Variants in CSMD2 observed in about 807,000 individuals in gnomAD.
The protein encoded by CSMD2 is CUB and sushi domain-containing protein 2.
Under a neutral mutation model 398.5 loss-of-function variants are expected in CSMD2, and 130 were observed. The observed-to-expected ratio is 0.33, with a 90% CI of 0.28 to 0.38. The LOEUF (loss-of-function observed/expected upper bound fraction) is 0.38, where lower values mean the gene tolerates loss of function less well. Ranked by LOEUF, CSMD2 falls within the 10% of genes least tolerant of loss-of-function variation. The pLI, the probability that CSMD2 is intolerant of heterozygous loss-of-function variation, is 1.00. For missense variants in CSMD2, 3,829 were observed against 4,764.9 expected, an observed-to-expected ratio of 0.80 and a Z score of 5.78; for synonymous variants, 1,828 against 1,908.5, an observed-to-expected ratio of 0.96 and a Z score of 1.10.
At position 33,768,109 on chromosome 1, in the gene CSMD2, C is replaced by A. The variant is rs72879525; in HGVS notation, c.1846+4460G>T. ...CTCATATATTCCCAATAATGTAGAA[C>A]ATTTAATAAAATTGGCATTCTCCTC... On this transcript the variant is annotated intron_variant, in intron 13 of 70. Transcript: ENST00000373381. 2.9e-3 allele frequency among the ~76,000 whole-genome samples: 444 copies of A among 152,292 alleles called. 1 individual carries two copies. Among genetic ancestry groups the A allele is most frequent in the African/African-American group, 9.9e-3 (413 of 41,570 alleles).
chr1:33,973,562 G>A (rs776209631), intron 3 of CSMD2, among the ~76,000 whole-genome samples: 1 of 152,228 alleles, frequency 6.6e-6, no homozygotes, highest in Non-Finnish European at 1.5e-5. Context: ...TGTGATAACT[G>A]CATTGAGAAG....
At chr1:33,714,491 C>A in intron 21 of CSMD2, 96 bp downstream of exon 21, 3 of 1,411,130 alleles carry the variant, frequency 2.1e-6, no homozygotes, top group Non-Finnish European at 2.9e-6. Flanking sequence ...GCTAAGTCAG[C>A]CTCTTGGCCT....
intron 26 of CSMD2, among the ~76,000 whole-genome samples, 188 bp from the exon 27 acceptor site, chr1:33,658,325 A>G (rs892125773): frequency 6.7e-6 from 1 of 150,244 alleles, no homozygotes; most frequent in Non-Finnish European, 1.5e-5. Flanking sequence ...CACTGCCTCC[A>G]CCACCAATTG....
At chr1:33,698,619 G>T (rs1645500753) in intron 24 of CSMD2, 134 bp downstream of exon 24, 1 of 739,436 alleles carries the variant, frequency 1.4e-6, no homozygotes, top group South Asian at 2.3e-5. Context: ...CATGATGCCT[G>T]TTAACAAGAG....
intron 68 of CSMD2, among the ~76,000 whole-genome samples, chr1:33,520,441 T>A (rs573410385): frequency 6.6e-6 from 1 of 152,066 alleles, no homozygotes; most frequent in Non-Finnish European, 1.5e-5. Context: ...AGAACACAAG[T>A]AGAAACTGTG....
chr1:33,747,109 T>C (rs1318823483), intron 13 of CSMD2, among the ~76,000 whole-genome samples: 3 of 152,208 alleles, frequency 2.0e-5, no homozygotes, highest in Non-Finnish European at 4.4e-5. Flanking sequence ...CACTCAAAGA[T>C]GTCTCCTATC....
At chr1:33,928,606 A>T (rs1478307776) in intron 4 of CSMD2, among the ~76,000 whole-genome samples, 1 of 152,240 alleles carries the variant, frequency 6.6e-6, no homozygotes, top group Non-Finnish European at 1.5e-5. Context: ...TGTAAGTGGC[A>T]AGGCCAGGAT....
intron 2 of CSMD2, among the ~76,000 whole-genome samples, chr1:34,084,965 G>C (rs1018927896): frequency 6.6e-6 from 1 of 152,126 alleles, no homozygotes; most frequent in Non-Finnish European, 1.5e-5. Flanking sequence ...TAATAGCAAA[G>C]ACTTGGAACC....
At position 33,778,568 on chromosome 1, in the gene CSMD2, T is replaced by C. The variant is rs566803050; in HGVS notation, c.1664-5817A>G. On this transcript the variant is annotated intron_variant, in intron 12 of 70. Transcript: ENST00000373381. The stretch of plus-strand genomic sequence containing the variant: ...CCATTATGTATTTTTGATCACTGTG[T>C]ACCCGGCACTTAGCACAGTCCCTGG... Among the ~76,000 whole-genome samples, 5 of 152,134 alleles carry C rather than the reference T, an allele frequency of 3.3e-5. No homozygotes were observed. In the East Asian group the frequency reaches 9.7e-4, roughly 29 times the overall value.
At chr1:34,018,525 CTG>C (rs1648448736) in intron 3 of CSMD2, among the ~76,000 whole-genome samples, 1 of 152,234 alleles carries the variant, frequency 6.6e-6, no homozygotes, top group South Asian at 2.1e-4. Context: ...GCGAGTGTGT[CTG>C]TGTCTTTGCC....
intron 1 of CSMD2, among the ~76,000 whole-genome samples, chr1:34,153,890 T>A (rs988594280): frequency 5.3e-5 from 8 of 152,162 alleles, no homozygotes; most frequent in Non-Finnish European, 1.0e-4. Flanking sequence ...CACTGATGGA[T>A]CTGACTATAT....
At chr1:33,964,613 T>C (rs951249391) in intron 3 of CSMD2, among the ~76,000 whole-genome samples, 4 of 152,214 alleles carry the variant, frequency 2.6e-5, no homozygotes, top group South Asian at 2.1e-4. Flanking sequence ...TTTTTGTTTT[T>C]ATTTCTGAGG....
intron 5 of CSMD2, among the ~76,000 whole-genome samples, chr1:33,917,839 C>G (rs1292229471): frequency 2.0e-5 from 3 of 152,280 alleles, no homozygotes; most frequent in Non-Finnish European, 4.4e-5. Flanking sequence ...AGTTATTCAA[C>G]CAAGACCCAT....
intron 11 of CSMD2, 128 bp downstream of exon 11, chr1:33,792,295 C>T: frequency 2.8e-6 from 2 of 704,894 alleles, no homozygotes; most frequent in South Asian, 1.6e-5. Flanking sequence ...ATTGCTGAAA[C>T]TAGGAACATT....
chr1:34,035,857 T>C (rs1371124636), intron 2 of CSMD2, among the ~76,000 whole-genome samples: 1 of 151,746 alleles, frequency 6.6e-6, no homozygotes, highest in African/African-American at 2.4e-5. Context: ...GCAAAAGACA[T>C]GCAAGAGACA....
chr1:34,087,660 G>A (rs1028124122), intron 2 of CSMD2, among the ~76,000 whole-genome samples: 1 of 134,434 alleles, frequency 7.4e-6, no homozygotes, highest in Non-Finnish European at 1.6e-5. Context: ...TAATAATAAA[G>A]CCAGCACTCC....
chr1:33,731,201 C>T (rs1334404817), intron 15 of CSMD2, among the ~76,000 whole-genome samples: 1 of 152,106 alleles, frequency 6.6e-6, no homozygotes, highest in African/African-American at 2.4e-5. Context: ...CAAAAACCGG[C>T]AAATACAAAT....
intron 24 of CSMD2, among the ~76,000 whole-genome samples, chr1:33,693,655 G>A (rs1645318470): frequency 3.3e-5 from 5 of 152,162 alleles, no homozygotes; most frequent in African/African-American, 1.2e-4. Flanking sequence ...TCATAGCAAC[G>A]TTATTCATAG....
intron 53 of CSMD2, among the ~76,000 whole-genome samples, chr1:33,565,837 G>A (rs1400908135): frequency 6.6e-6 from 1 of 151,796 alleles, no homozygotes; most frequent in Non-Finnish European, 1.5e-5. Flanking sequence ...GACAAAAGGT[G>A]GAAGAATATA....
Sources: gnomAD v4.1 joint callset for allele counts (sites outside exome capture counted in the v4.1 genomes callset) on GRCh38, gnomAD v4.1.1 for gene constraint, MANE v1.5 for transcripts, NCBI Gene and HGNC (gene_info 2026-07-23, HGNC 2026-07-21) for gene names.